The following NLRP7 variants were observed in gnomAD, a reference collection of about 807,000 sequenced individuals.
The protein encoded by NLRP7 is NLR family pyrin domain containing 7, also known as NACHT, LRR and PYD domains-containing protein 7.
In NLRP7, 72 loss-of-function variants were observed where a neutral mutation model predicts 85.5. That is an observed-to-expected ratio of 0.84 (90% CI 0.70 to 1.02). The LOEUF is 1.02. NLRP7 is among the 50% of genes least tolerant of loss of function. The pLI, the probability that NLRP7 is intolerant of heterozygous loss-of-function variation, is 0.00. For synonymous variants in NLRP7, 550 were observed against 505.2 expected (o/e 1.09, Z -1.19); for missense variants, 1,243 against 1,219.5 (o/e 1.02, Z -0.29).
At chr19:54,941,980 A>G (rs2069248251) in intron 1 of NLRP7, among the ~76,000 whole-genome samples, 1 of 152,162 alleles carries the variant, frequency 6.6e-6, no homozygotes, top group African/African-American at 2.4e-5. Context: ...AAGGCTGGGC[A>G]CGGTGGCTCA....
At chr19:54,940,782 G>A (rs1343984563) in intron 3 of NLRP7, 149 bp downstream of exon 3, 5 of 712,036 alleles carry the variant, frequency 7.0e-6, no homozygotes, top group Non-Finnish European at 1.3e-5. Context: ...AGCAGAGACG[G>A]AGCCACTACA....
chr19:54,933,046 G>C (rs574521348), intron 8 of NLRP7, among the ~76,000 whole-genome samples: 25 of 152,260 alleles, frequency 1.6e-4, no homozygotes, highest in Non-Finnish European at 3.2e-4. Context: ...CATCAGATCC[G>C]AGAACCAACT....
intron 1 of NLRP7, among the ~76,000 whole-genome samples, chr19:54,956,413 G>A: frequency 6.6e-6 from 1 of 151,180 alleles, no homozygotes; most frequent in Non-Finnish European, 1.5e-5. Flanking sequence ...AACAGGACTG[G>A]GTATGGTGGT....
chr19:54,937,797 T>G (rs947354180), intron 5 of NLRP7, among the ~76,000 whole-genome samples: 1 of 147,618 alleles, frequency 6.8e-6, no homozygotes, highest in African/African-American at 2.5e-5. Flanking sequence ...CTCGGGAGGC[T>G]GAGGCAGGAG....
intron 8 of NLRP7, 98 bp downstream of exon 8, chr19:54,933,471 G>C (rs1313753859): frequency 3.1e-5 from 46 of 1,473,174 alleles, no homozygotes; most frequent in Non-Finnish European, 4.2e-5. Flanking sequence ...TTCTTACCAG[G>C]TTTTTAAAAG....
At chr19:54,935,072 C>G (rs2068850119) in intron 6 of NLRP7, among the ~76,000 whole-genome samples, 2 of 152,122 alleles carry the variant, frequency 1.3e-5, no homozygotes, top group Non-Finnish European at 2.9e-5. Flanking sequence ...GCCTCCAACC[C>G]TGGCCTGAAT....
exon 1 of NLRP7, chr19:54,966,176 C>T (rs2070385766): frequency 6.6e-6 from 1 of 151,568 alleles, no homozygotes; most frequent in Admixed American, 6.6e-5. Context: ...ACCAATCAAG[C>T]AGAATCTCTA....
chr19:54,928,767 TCCC>T (rs1159645674), intron 9 of NLRP7, among the ~76,000 whole-genome samples: 1 of 151,714 alleles, frequency 6.6e-6, no homozygotes, highest in Non-Finnish European at 1.5e-5. Flanking sequence ...TACACGAGGA[TCCC>T]CCATAAGGCC....
intron 1 of NLRP7, among the ~76,000 whole-genome samples, chr19:54,963,588 C>G (rs1457498343): frequency 6.6e-6 from 1 of 151,914 alleles, no homozygotes; most frequent in East Asian, 2.0e-4. Flanking sequence ...CTTTGGGAGG[C>G]CGAGGTGAGC....
chr19:54,940,244 A>G (rs2069162312), exon 4 of NLRP7: 1 of 1,614,194 alleles, frequency 6.2e-7, no homozygotes, highest in Non-Finnish European at 8.5e-7. Context: ...CCAGTCCAGC[A>G]TACACTTTTT....
At chr19:54,936,484 T>C in intron 5 of NLRP7, 53 bp from the exon 6 acceptor site, 1 of 1,430,568 alleles carries the variant, frequency 7.0e-7, no homozygotes. Context: ...TCACATTGTG[T>C]GGAGGCATGT....
chr19:54,947,769 CG>C (rs2069538891), upstream of NLRP7: 1 of 694,254 alleles, frequency 1.4e-6, no homozygotes, highest in Admixed American at 2.4e-5. Context: ...CTAGACCACC[CG>C]GGCCAGGTGT....
At position 54,934,808 on chromosome 19, in the gene NLRP7, C is replaced by T. The variant is rs549695112; in HGVS notation, c.2301-149G>A. ...CACTGCAGCCTCCGCCTCCCGGGTT[C>T]AAGCTATTCTCCTGCCTCAGCCTCC... On this transcript the variant is annotated intron_variant, in intron 6 of 9. Transcript: ENST00000340844. This position sits in a 1 kb window ranked among gnomAD's most constrained non-coding sequence, Gnocchi z 6.7. 16 of 648,820 alleles carry T rather than the reference C, an allele frequency of 2.5e-5. No homozygotes were observed. The South Asian group carries it at 3.3e-4, about 13-fold the overall frequency. 40.2% of individuals were successfully genotyped at this position (648,820 alleles called of 1,614,324 possible).
chr19:54,925,765 G>A (rs1294300091), intron 9 of NLRP7, among the ~76,000 whole-genome samples: 3 of 152,070 alleles, frequency 2.0e-5, no homozygotes, highest in Non-Finnish European at 4.4e-5. Flanking sequence ...TTGGGAGGCC[G>A]AGGTGGGCAG....
At chr19:54,943,327 T>C (rs577458953) in intron 1 of NLRP7, among the ~76,000 whole-genome samples, 135 of 150,838 alleles carry the variant, frequency 8.9e-4, no homozygotes, top group Non-Finnish European at 1.5e-3. Flanking sequence ...AATGGCCGGG[T>C]GCGGTGGCTC....
intron 1 of NLRP7, among the ~76,000 whole-genome samples, chr19:54,964,628 G>C (rs1416270451): frequency 6.6e-6 from 1 of 151,416 alleles, no homozygotes; most frequent in African/African-American, 2.4e-5. Context: ...TTTGAGACCA[G>C]CCTGGCCAGC....
chr19:54,959,979 G>A (rs1198340718), intron 1 of NLRP7, among the ~76,000 whole-genome samples: 1 of 151,736 alleles, frequency 6.6e-6, no homozygotes, highest in African/African-American at 2.4e-5. Context: ...ACAGACCTGG[G>A]CATTTTGTTG....
Position 54,934,434 on chromosome 19 carries a change from C to G in NLRP7, c.2471+55G>C, listed in dbSNP as rs548105253. 2.7e-5 allele frequency: 43 copies of G among 1,584,058 alleles called. No individual in the cohort carries two copies. The African/African-American group carries it at 5.5e-4, about 20-fold the overall frequency. ...CGCAGTAAGTCAGGTGTTACCCTTT[C>G]TCTTCTATAGCCCCAGAACTAAACC... On this transcript the variant is annotated intron_variant, in intron 7 of 9. Transcript: ENST00000340844. This position sits in a 1 kb window ranked among gnomAD's most constrained non-coding sequence, Gnocchi z 6.7.
At chr19:54,964,211 GTTTTT>G (rs747785772) in intron 1 of NLRP7, among the ~76,000 whole-genome samples, 4 of 52,470 alleles carry the variant, frequency 7.6e-5, no homozygotes, top group African/African-American at 1.8e-4. Flanking sequence ...TTTATATGGT[GTTTTT>G]TTTTTTTTTT....
Sources: gnomAD v4.1 joint callset for allele counts (sites outside exome capture counted in the v4.1 genomes callset) on GRCh38, gnomAD v4.1.1 for gene constraint, Gnocchi (gnomAD v3.1) non-coding constraint, MANE v1.5 for transcripts, NCBI Gene and HGNC (gene_info 2026-07-23, HGNC 2026-07-21) for gene names.